IMMP2L: variants seen among roughly 807,000 people sequenced by gnomAD.
IMMP2L encodes the protein inner mitochondrial membrane peptidase subunit 2.
IMMP2L carries 18 observed loss-of-function variants against 19.3 expected under a neutral mutation model. The ratio of observed to expected loss-of-function variants is 0.93; its 90% CI spans 0.64 to 1.38. The LOEUF (loss-of-function observed/expected upper bound fraction) is 1.38, where lower values mean the gene tolerates loss of function less well. Ranked by LOEUF, IMMP2L falls within the 40% of genes most tolerant of loss-of-function variation. The probability of loss-of-function intolerance (pLI) is 0.00; values close to 1 mark genes in which losing one functional copy is unlikely to be tolerated. For synonymous variants in IMMP2L, 76 were observed against 73.0 expected, an observed-to-expected ratio of 1.04 and a Z score of -0.21; for missense variants, 233 against 218.2, an observed-to-expected ratio of 1.07 and a Z score of -0.43.
chr7:111,196,630 A>C (rs908150223), intron 3 of IMMP2L, among the ~76,000 whole-genome samples: 4 of 152,204 alleles, frequency 2.6e-5, no homozygotes, highest in Admixed American at 2.6e-4. Context: ...GAAGAAACAA[A>C]ATAAAGCACT....
chr7:111,462,623 T>C (rs1444991723), intron 3 of IMMP2L, among the ~76,000 whole-genome samples: 2 of 152,176 alleles, frequency 1.3e-5, no homozygotes, highest in African/African-American at 4.8e-5. Flanking sequence ...ATATCCATCA[T>C]CTCAAACATT....
intron 4 of IMMP2L, among the ~76,000 whole-genome samples, chr7:110,926,879 A>C (rs906720256): frequency 6.6e-6 from 1 of 152,250 alleles, no homozygotes. Context: ...GTTATCCCCA[A>C]GAAAAGCTGT....
chr7:110,995,282 T>C (rs1385421955), intron 3 of IMMP2L, among the ~76,000 whole-genome samples: 2 of 152,290 alleles, frequency 1.3e-5, no homozygotes, highest in Admixed American at 1.3e-4. Flanking sequence ...GACCACGTGC[T>C]AGAACTTAGG....
chr7:111,394,432 G>A (rs1157837159), intron 3 of IMMP2L, among the ~76,000 whole-genome samples: 1 of 152,022 alleles, frequency 6.6e-6, no homozygotes, highest in Non-Finnish European at 1.5e-5. Context: ...TCAAGTTAGG[G>A]TTCTGATGTG....
intron 5 of IMMP2L, among the ~76,000 whole-genome samples, chr7:110,669,050 T>C (rs1190360054): frequency 0.013 from 764 of 57,584 alleles, 4 homozygotes; most frequent in African/African-American, 0.053. Flanking sequence ...TGTGTGTGTG[T>C]GCGTGTGTGT....
At chr7:111,131,270 G>A (rs1043197007) in intron 3 of IMMP2L, among the ~76,000 whole-genome samples, 2 of 151,974 alleles carry the variant, frequency 1.3e-5, no homozygotes, top group African/African-American at 4.8e-5. Context: ...AGGCTAAAGG[G>A]AATTAGGTTT....
intron 4 of IMMP2L, among the ~76,000 whole-genome samples, chr7:110,899,291 T>C (rs1458614616): frequency 6.6e-6 from 1 of 152,142 alleles, no homozygotes; most frequent in Non-Finnish European, 1.5e-5. Flanking sequence ...ACGTGACCAA[T>C]GGTGCAAAAT....
chr7:111,234,093 C>T (rs1045764606), intron 3 of IMMP2L, among the ~76,000 whole-genome samples: 1 of 152,016 alleles, frequency 6.6e-6, no homozygotes, highest in Non-Finnish European at 1.5e-5. Flanking sequence ...GTTTTAGCTA[C>T]ATCCCACAAA....
intron 3 of IMMP2L, among the ~76,000 whole-genome samples, chr7:111,304,673 T>G (rs1190207937): frequency 9.4e-6 from 1 of 106,942 alleles, no homozygotes; most frequent in Admixed American, 8.8e-5. Flanking sequence ...ATATATAATG[T>G]GTGTGTGTGT....
intron 5 of IMMP2L, among the ~76,000 whole-genome samples, chr7:110,697,042 C>T (rs550814113): frequency 2.6e-5 from 4 of 152,220 alleles, no homozygotes; most frequent in South Asian, 2.1e-4. Flanking sequence ...GGTCTGTGAG[C>T]ACTTGGGGAA....
In IMMP2L at chr7:110,692,405, C is replaced by T. The variant is rs551406642; in HGVS notation, c.409-28684G>A. On this transcript the variant is annotated intron_variant, in intron 5 of 5. Coordinates refer to ENST00000405709, the MANE Select transcript of IMMP2L (RefSeq NM_032549.4). ...TGCATGTTAGGTACAATATATACTA[C>T]GCGGGTGACAGTACACTAAAATCTC... 7.1e-5 allele frequency among the ~76,000 whole-genome samples: 7 copies of T among 99,096 alleles called. No individual in the cohort carries two copies. In the East Asian group the frequency reaches 8.8e-4, roughly 12 times the overall value. The allele number at this position is 99,096 out of a possible 152,430, so 65.0% of individuals were successfully genotyped here.
chr7:111,466,514 A>G (rs892276343), intron 3 of IMMP2L, among the ~76,000 whole-genome samples: 2 of 152,186 alleles, frequency 1.3e-5, no homozygotes, highest in African/African-American at 2.4e-5. Flanking sequence ...CTTAGCAGAA[A>G]TATACCTCAG....
At chr7:111,163,823 T>C (rs1354955125) in intron 3 of IMMP2L, among the ~76,000 whole-genome samples, 1 of 152,028 alleles carries the variant, frequency 6.6e-6, no homozygotes, top group Non-Finnish European at 1.5e-5. Context: ...ATTGAGAATG[T>C]CTTTGTTCTA....
At chr7:111,091,363 G>A (rs1231723173) in intron 3 of IMMP2L, 2 of 152,094 alleles carry the variant, frequency 1.3e-5, no homozygotes, top group Non-Finnish European at 2.9e-5. Context: ...TATATATTTT[G>A]TACACTTTGT....
rs1478447942 is a variant in IMMP2L at position 110,924,272 on chromosome 7, C to T, written c.306-37577G>A. ...TTATTACAGCAAAATTGAGAAGAGG[C>T]TTCTGGTGAAAACGTTTGTAGTTCT... On this transcript the variant is annotated intron_variant, in intron 4 of 5. Coordinates refer to ENST00000405709, the MANE Select transcript of IMMP2L (RefSeq NM_032549.4). This position sits in a 1 kb window ranked among gnomAD's most constrained non-coding sequence, Gnocchi z 4.2. Among the ~76,000 whole-genome samples the T allele has an allele frequency of 6.6e-6, 1 of 152,110 alleles. No individual in the cohort carries two copies. Among genetic ancestry groups the T allele is most frequent in the Admixed American group, 6.6e-5 (1 of 15,254 alleles).
intron 3 of IMMP2L, among the ~76,000 whole-genome samples, chr7:111,106,870 G>A (rs761121013): frequency 5.3e-5 from 8 of 151,502 alleles, no homozygotes; most frequent in African/African-American, 9.7e-5. Flanking sequence ...AGAAATGTGT[G>A]CTTTGTTTAG....
chr7:111,054,570 G>A (rs771054324), intron 3 of IMMP2L, among the ~76,000 whole-genome samples: 8 of 152,318 alleles, frequency 5.3e-5, no homozygotes, highest in Admixed American at 6.5e-5. Context: ...GGTACAGTTT[G>A]TCTCAGACAC....
At chr7:111,450,397 T>C (rs1489111290) in intron 3 of IMMP2L, among the ~76,000 whole-genome samples, 1 of 151,830 alleles carries the variant, frequency 6.6e-6, no homozygotes, top group African/African-American at 2.4e-5. Flanking sequence ...AGCCCTCAAA[T>C]AACGCCGCAT....
intron 3 of IMMP2L, among the ~76,000 whole-genome samples, chr7:111,281,148 CAGAAAGACAGAA>C (rs1244804758): frequency 0.02 from 1,081 of 55,108 alleles, 8 homozygotes; most frequent in African/African-American, 0.029. Context: ...GACAGAAAGA[CAGAAAGACAGAA>C]AGAAAGAAAG....
Sources: allele counts gnomAD v4.1 joint callset (sites outside exome capture counted in the v4.1 genomes callset), GRCh38; gene constraint gnomAD v4.1.1; non-coding constraint Gnocchi (gnomAD v3.1); transcripts MANE v1.5; gene names NCBI Gene and HGNC (gene_info 2026-07-23, HGNC 2026-07-21).